Variants in FOXK2 observed in about 807,000 individuals in gnomAD.
FOXK2 encodes the protein forkhead box K2.
A neutral mutation model predicts 53.3 loss-of-function variants in FOXK2; 24 were observed. The observed-to-expected ratio is 0.45, with a 90% CI of 0.33 to 0.63. The LOEUF is 0.63. Ranked by LOEUF, FOXK2 falls within the 30% of genes least tolerant of loss-of-function variation. FOXK2 has a pLI of 0.03. For synonymous variants in FOXK2, 505 were observed against 407.1 expected, an observed-to-expected ratio of 1.24 and a Z score of -2.89; for missense variants, 952 against 910.5, an observed-to-expected ratio of 1.05 and a Z score of -0.59.
At chr17:82,596,731 C>T (rs528591569) in intron 8 of FOXK2, among the ~76,000 whole-genome samples, 9 of 152,276 alleles carry the variant, frequency 5.9e-5, no homozygotes, top group South Asian at 2.1e-4. Flanking sequence ...TTGATTGGGA[C>T]GGTGTTGAAT....
chr17:82,586,212 GGAAAGGAGGAGAGGGGAGAC>G lies in FOXK2; in HGVS notation c.1576+13_1576+32del, dbSNP rs758938936. ...CAGGGAAGTCAAAGGTAGGCGGAGG[GGAAAGGAGGAGAGGGGAGAC>G]CACAGGGAGGTGAAAGGTGGGCCGG... On this transcript the variant is annotated intron_variant, in intron 7 of 8. Transcript: ENST00000335255. The G allele has an allele frequency of 8.3e-5, 107 of 1,288,480 alleles. 5 individuals carry two copies. The South Asian group carries it at 1.6e-3, about 19-fold the overall frequency. 79.8% of individuals were successfully genotyped at this position (1,288,480 alleles called of 1,614,324 possible). A position where few individuals can be genotyped will look rare whatever the true frequency, so the allele number is the denominator to read the frequency against.
At chr17:82,535,713 G>C (rs182155640) in intron 1 of FOXK2, among the ~76,000 whole-genome samples, 52 of 150,410 alleles carry the variant, frequency 3.5e-4, no homozygotes, top group African/African-American at 1.2e-3. Flanking sequence ...TCACACACAC[G>C]TTGTTTTCCT....
chr17:82,538,792 C>T (rs564438401), intron 1 of FOXK2, among the ~76,000 whole-genome samples: 2 of 152,194 alleles, frequency 1.3e-5, no homozygotes, highest in Non-Finnish European at 2.9e-5. Flanking sequence ...CCTTGGACAA[C>T]ACTGAGGCCC....
chr17:82,551,779 T>C (rs903171270), intron 1 of FOXK2, among the ~76,000 whole-genome samples: 2 of 152,256 alleles, frequency 1.3e-5, no homozygotes, highest in Admixed American at 1.3e-4. Flanking sequence ...GGGTTTCTAA[T>C]GTATTTCTCA....
intron 6 of FOXK2, among the ~76,000 whole-genome samples, 187 bp from the exon 7 acceptor site, chr17:82,585,717 T>G (rs1382573982): frequency 6.6e-6 from 1 of 152,222 alleles, no homozygotes; most frequent in East Asian, 1.9e-4. Flanking sequence ...GAGATAGGAA[T>G]TAAATACCCC....
intron 1 of FOXK2, among the ~76,000 whole-genome samples, chr17:82,544,056 G>A (rs973471240): frequency 1.9e-4 from 29 of 152,066 alleles, no homozygotes; most frequent in African/African-American, 6.8e-4. Context: ...GATTACAGGC[G>A]TGAGCCACCG....
At chr17:82,522,312 A>C (rs1319916040) in intron 1 of FOXK2, among the ~76,000 whole-genome samples, 4 of 150,978 alleles carry the variant, frequency 2.6e-5, no homozygotes, top group Admixed American at 2.0e-4. Flanking sequence ...TACAGGTGTG[A>C]GCTATGATCT....
intron 8 of FOXK2, 108 bp downstream of exon 8, chr17:82,587,380 G>C: frequency 1.2e-6 from 1 of 855,088 alleles, no homozygotes; most frequent in Non-Finnish European, 1.9e-6. Flanking sequence ...TTTTGTCTGA[G>C]GCAATGTTTG....
chr17:82,539,561 A>T (rs890002537), intron 1 of FOXK2, among the ~76,000 whole-genome samples: 1 of 152,044 alleles, frequency 6.6e-6, no homozygotes, highest in Non-Finnish European at 1.5e-5. Flanking sequence ...AGGTGGGAGG[A>T]TTGCTTGAAC....
In FOXK2 at chr17:82,519,973, G is replaced by T; in HGVS notation, c.85G>T (p.Gly29Trp). The T allele has an allele frequency of 8.2e-7, 1 of 1,218,080 alleles. No individual in the cohort carries two copies. 75.5% of individuals were successfully genotyped at this position (1,218,080 alleles called of 1,614,324 possible). A position where few individuals can be genotyped will look rare whatever the true frequency, so the allele number is the denominator to read the frequency against. The change falls in exon 1 of 9, where the codon GGG becomes TGG. Residue 29 changes from glycine (G) to tryptophan (W), a missense_variant. By Grantham distance (184) the Gly-to-Trp change is radical. Around this residue, in one of 5 missense-constraint regions of FOXK2, gnomAD observed 163 missense variants for 165.5 expected, o/e 0.98. Coordinates refer to ENST00000335255, the MANE Select transcript of FOXK2 (RefSeq NM_004514.4). Reference sequence around the variant, plus strand: ...CGGGGGCGGCGGGGCCGGGGGCGGCGGGTCCCCGCCGGGCGGCTGGGCCGT... The same window carrying T: ...CGGGGGCGGCGGGGCCGGGGGCGGCTGGTCCCCGCCGGGCGGCTGGGCCGT... ...GAGGGGAGGG[G>W]SPPGGWAVAR...
chr17:82,600,554 T>C (rs1193455101), intron 8 of FOXK2: 1 of 152,278 alleles, frequency 6.6e-6, no homozygotes, highest in South Asian at 2.1e-4. Context: ...GAAGTAACTA[T>C]ACAGAAACAT....
intron 1 of FOXK2, among the ~76,000 whole-genome samples, chr17:82,553,657 C>G (rs899196417): frequency 3.9e-5 from 6 of 152,174 alleles, no homozygotes; most frequent in African/African-American, 1.4e-4. Context: ...GGCGTGGCTG[C>G]GAAGAGGCCC....
Position 82,601,376 on chromosome 17 carries a change from C to T in FOXK2, c.1860C>T (p.Asn620=), listed in dbSNP as rs35881749. 1,559 of 1,613,380 alleles carry T rather than the reference C, an allele frequency of 9.7e-4. 7 individuals carry two copies. The African/African-American group carries it at 0.018, about 18-fold the overall frequency. ...ASASLPTKRH[N]GDQPEQPELK... is the part of the protein sequence containing the mutation. ...CCTCCCTGCCCACAAAGCGCCACAACGGTGACCAGCCGGAGCAGCCGGAGC... is the reference window on the plus strand; with the variant it reads ...CCTCCCTGCCCACAAAGCGCCACAATGGTGACCAGCCGGAGCAGCCGGAGC... The change falls in exon 9 of 9, where the codon AAC becomes AAT. Residue 620 remains asparagine, a synonymous_variant. Coordinates refer to ENST00000335255, the MANE Select transcript of FOXK2 (RefSeq NM_004514.4).
intron 1 of FOXK2, among the ~76,000 whole-genome samples, chr17:82,559,094 G>T (rs4789793): frequency 6.6e-6 from 1 of 151,866 alleles, no homozygotes; most frequent in African/African-American, 2.4e-5. Context: ...GGGTTTCACC[G>T]TGTTGGTCAG....
At chr17:82,542,761 A>G (rs1599885871) in intron 1 of FOXK2, among the ~76,000 whole-genome samples, 1 of 152,132 alleles carries the variant, frequency 6.6e-6, no homozygotes, top group African/African-American at 2.4e-5. Flanking sequence ...GCAGTGGCTC[A>G]TGCCCAGTAC....
rs1257612102 is a variant in FOXK2, at chr17:82,568,838, C to T, written c.762+637C>T. The stretch of plus-strand genomic sequence containing the variant: ...CAGCCTGGTCAACATGGTTAAACCC[C>T]GCTTCTACCAAAAAAAAATACAAAA... On this transcript the variant is annotated intron_variant, in intron 3 of 8. Transcript: ENST00000335255. Among the ~76,000 whole-genome samples the T allele has an allele frequency of 4.7e-5, 7 of 148,676 alleles. No individual in the cohort carries two copies. The East Asian group carries it at 5.8e-4, about 12-fold the overall frequency.
chr17:82,565,888 G>A (rs930455871), intron 2 of FOXK2, among the ~76,000 whole-genome samples: 1 of 152,186 alleles, frequency 6.6e-6, no homozygotes, highest in Non-Finnish European at 1.5e-5. Context: ...AATTTCCAGA[G>A]AATAGAAGAT....
chr17:82,547,745 C>T (rs2044640774), intron 1 of FOXK2, among the ~76,000 whole-genome samples: 2 of 152,122 alleles, frequency 1.3e-5, no homozygotes, highest in African/African-American at 4.8e-5. Context: ...AGATATTACC[C>T]CTCACCCCAA....
intron 4 of FOXK2, chr17:82,576,953 G>A: frequency 2.6e-6 from 1 of 391,488 alleles, no homozygotes; most frequent in Non-Finnish European, 4.7e-6. Context: ...TGTGGTTGGA[G>A]GGTTCGAGAC....
Sources: gnomAD v4.1 joint callset for allele counts (sites outside exome capture counted in the v4.1 genomes callset) on GRCh38, gnomAD v4.1.1 for gene constraint, gnomAD v4.1.1 regional missense constraint, MANE v1.5 for transcripts, NCBI Gene and HGNC (gene_info 2026-07-23, HGNC 2026-07-21) for gene names.